Variants in U2SURP observed in about 807,000 individuals in gnomAD.
The protein encoded by U2SURP is U2 snRNP-associated SURP motif-containing protein.
U2SURP carries 9 observed loss-of-function variants against 144.9 expected under a neutral mutation model. That is an observed-to-expected ratio of 0.06 (90% CI 0.04 to 0.11). The LOEUF is 0.11. Among genes scored for constraint, U2SURP ranks in the 10% least tolerant of loss-of-function variants. The pLI, the probability that U2SURP is intolerant of heterozygous loss-of-function variation, is 1.00. For missense variants in U2SURP, 724 were observed against 1,226.7 expected, an observed-to-expected ratio of 0.59 and a Z score of 6.12; for synonymous variants, 408 against 396.8, an observed-to-expected ratio of 1.03 and a Z score of -0.33.
rs1042574573 is a variant in U2SURP at position 143,058,317 on chromosome 3, T to G, written c.*1867T>G. ...CAGTCAAGTTGCAAGGGATGCTTAT[T>G]TCTCTTCAAAAAAAGACATCCTGCG... On this transcript the variant is annotated 3_prime_UTR_variant, in exon 28 of 28. Transcript: ENST00000473835. 2 of 151,912 alleles carry G rather than the reference T, an allele frequency of 1.3e-5. No homozygotes were observed. The highest frequency in any genetic ancestry group is 4.8e-5 in the African/African-American group (2 of 41,438). The allele number at this position is 151,912 out of a possible 1,614,324, so 9.4% of individuals were successfully genotyped here. A position where few individuals can be genotyped will look rare whatever the true frequency, so the allele number is the denominator to read the frequency against.
chr3:143,007,631 C>T (rs956721782), intron 1 of U2SURP, among the ~76,000 whole-genome samples: 14 of 151,862 alleles, frequency 9.2e-5, no homozygotes, highest in African/African-American at 3.4e-4. Flanking sequence ...TTAGTAGAGA[C>T]GGGATTTTGC....
chr3:143,042,512 A>G (rs1203707706), intron 23 of U2SURP, among the ~76,000 whole-genome samples: 4 of 151,892 alleles, frequency 2.6e-5, no homozygotes. Context: ...TGGATATATT[A>G]TTTAGTGGTG....
intron 16 of U2SURP, 49 bp downstream of exon 16, chr3:143,028,695 G>C (rs1416829264): frequency 2.0e-6 from 3 of 1,476,752 alleles, no homozygotes; most frequent in Non-Finnish European, 2.7e-6. Flanking sequence ...TAACTGTAAT[G>C]GTTGCTTTAA....
Position 143,011,285 on chromosome 3 carries a change from T to G in U2SURP, c.90+426T>G, listed in dbSNP as rs80342013. Among the ~76,000 whole-genome samples, 981 of 152,300 alleles carry G rather than the reference T, an allele frequency of 6.4e-3. 8 individuals are homozygous for G. Among genetic ancestry groups the G allele is most frequent in the African/African-American group, 0.022 (931 of 41,554 alleles). ...TGGGGAAGTGCAGTTGTTTGTTATT[T>G]CTTTGTTGATGGGCATATATTTTTT... On this transcript the variant is annotated intron_variant, in intron 2 of 27. Transcript: ENST00000473835.
intron 13 of U2SURP, chr3:143,026,223 C>T (rs1933138435): frequency 6.6e-6 from 1 of 152,048 alleles, no homozygotes; most frequent in Non-Finnish European, 1.5e-5. Context: ...TAGGACCCAG[C>T]TTCAGATAAA....
At chr3:143,052,140 A>G (rs558266638) in intron 25 of U2SURP, among the ~76,000 whole-genome samples, 1 of 152,328 alleles carries the variant, frequency 6.6e-6, no homozygotes, top group Admixed American at 6.5e-5. Flanking sequence ...TAATCCCAGC[A>G]CTTCGGGAGG....
intron 24 of U2SURP, among the ~76,000 whole-genome samples, chr3:143,050,379 G>A (rs1934793117): frequency 6.6e-6 from 1 of 152,096 alleles, no homozygotes; most frequent in South Asian, 2.1e-4. Flanking sequence ...GGCCTGGTCT[G>A]TTTTAATCAG....
At chr3:143,014,219 C>A in intron 3 of U2SURP, 92 bp from the exon 4 acceptor site, 1 of 732,114 alleles carries the variant, frequency 1.4e-6, no homozygotes, top group Non-Finnish European at 2.1e-6. Context: ...AAACGGCAGT[C>A]TATTCTGAAG....
chr3:143,017,711 G>A (rs764302823), intron 6 of U2SURP, among the ~76,000 whole-genome samples: 64 of 151,620 alleles, frequency 4.2e-4, no homozygotes, highest in Admixed American at 1.1e-3. Flanking sequence ...CCTCAACCTC[G>A]TAGGCTCAGG....
chr3:143,008,126 C>A (rs1262940613), intron 1 of U2SURP, among the ~76,000 whole-genome samples: 1 of 152,174 alleles, frequency 6.6e-6, no homozygotes, highest in Non-Finnish European at 1.5e-5. Context: ...GCAAATTTAT[C>A]AAATTGTGTA....
At chr3:143,020,237 C>T (rs1936565882) in intron 7 of U2SURP, among the ~76,000 whole-genome samples, 2 of 152,142 alleles carry the variant, frequency 1.3e-5, no homozygotes, top group South Asian at 2.1e-4. Context: ...GCTTGCATTA[C>T]GAGGATTCAG....
chr3:143,042,479 G>T (rs1203801079), intron 23 of U2SURP, among the ~76,000 whole-genome samples: 1 of 151,352 alleles, frequency 6.6e-6, no homozygotes, highest in African/African-American at 2.4e-5. Context: ...AAGTTTTTGG[G>T]GTACAAGTGG....
chr3:143,038,227 T>G (rs1477798294), intron 22 of U2SURP, 24 bp downstream of exon 22: 1 of 1,519,810 alleles, frequency 6.6e-7, no homozygotes, highest in African/African-American at 1.4e-5. Context: ...AAATAAATAT[T>G]TTTTAAATTA....
chr3:143,037,117 C>G, intron 20 of U2SURP, 62 bp from the exon 21 acceptor site: 4 of 1,510,880 alleles, frequency 2.6e-6, no homozygotes, highest in South Asian at 1.3e-5. Context: ...ACAAATTAAT[C>G]TTACAAGCAA....
chr3:143,029,405 TTC>T lies in U2SURP; in HGVS notation c.1610+762_1610+763del, dbSNP rs375126729. ...CTTCATGTCTGTCACATTTTCATAA[TTC>T]TCACAATAGCTCAAACTTTTTCATT... is the stretch of plus-strand genomic sequence containing the variant. On this transcript the variant is annotated intron_variant, in intron 16 of 27. Coordinates refer to ENST00000473835, the MANE Select transcript of U2SURP (RefSeq NM_001080415.2). Among the ~76,000 whole-genome samples the T allele has an allele frequency of 2.3e-4, 35 of 152,354 alleles. No homozygotes were observed. In the East Asian group the frequency reaches 6.7e-3, roughly 29 times the overall value.
rs140465500 is a variant in U2SURP at position 143,056,146 on chromosome 3, C to CTG, written c.2952-152_2952-151dup. On this transcript the variant is annotated intron_variant, in intron 27 of 27. Transcript: ENST00000473835. ...CAGTGCATAGTAAGTACAAAATAAT[C>CTG]TGTGTGTGTGTGTGTACAATAGAGT... Among the ~76,000 whole-genome samples, 254 of 151,430 alleles carry CTG rather than the reference C, an allele frequency of 1.7e-3. 5 individuals carry two copies. The East Asian group carries it at 0.038, about 22-fold the overall frequency.
At chr3:143,016,499 A>G (rs1936374839) in intron 5 of U2SURP, 128 bp downstream of exon 5, 1 of 810,852 alleles carries the variant, frequency 1.2e-6, no homozygotes, top group Non-Finnish European at 1.9e-6. Flanking sequence ...TGAATTTTAC[A>G]TTTTCTATCA....
At chr3:143,025,401 T>A (rs969366263) in intron 13 of U2SURP, among the ~76,000 whole-genome samples, 36 of 152,164 alleles carry the variant, frequency 2.4e-4, no homozygotes, top group South Asian at 6.2e-4. Context: ...TAAACAATTT[T>A]CCTCTATCTT....
chr3:143,050,210 A>T (rs1486179586), intron 24 of U2SURP, among the ~76,000 whole-genome samples: 2 of 151,898 alleles, frequency 1.3e-5, no homozygotes, highest in African/African-American at 4.8e-5. Context: ...AGTAGCTGGG[A>T]TTATAGGCAT....
Sources: gnomAD v4.1 joint callset for allele counts (sites outside exome capture counted in the v4.1 genomes callset) on GRCh38, gnomAD v4.1.1 for gene constraint, MANE v1.5 for transcripts, NCBI Gene and HGNC (gene_info 2026-07-23, HGNC 2026-07-21) for gene names.